The following FGD4 variants were observed in gnomAD, a reference collection of about 807,000 sequenced individuals.
The protein encoded by FGD4 is FYVE, RhoGEF and PH domain-containing protein 4.
In FGD4, 42 loss-of-function variants were observed where a neutral mutation model predicts 102.0. That is an observed-to-expected ratio of 0.41 (90% confidence interval 0.32 to 0.53). The LOEUF (loss-of-function observed/expected upper bound fraction) is 0.53. FGD4 is among the 20% of genes least tolerant of loss of function. The pLI, the probability that FGD4 is intolerant of heterozygous loss-of-function variation, is 0.21. For missense variants in FGD4, 902 were observed against 1,078.2 expected, an observed-to-expected ratio of 0.84 and a Z score of 2.29; for synonymous variants, 380 against 375.7, an observed-to-expected ratio of 1.01 and a Z score of -0.13.
At chr12:32,557,343 A>G (rs1239786798) in intron 1 of FGD4, among the ~76,000 whole-genome samples, 1 of 152,200 alleles carries the variant, frequency 6.6e-6, no homozygotes, top group Non-Finnish European at 1.5e-5. Context: ...CCAAAGTTAC[A>G]TTTGGTGTGC....
intron 4 of FGD4, among the ~76,000 whole-genome samples, chr12:32,596,347 G>A (rs1291103694): frequency 6.6e-6 from 1 of 152,200 alleles, no homozygotes; most frequent in East Asian, 1.9e-4. Context: ...CAGGCAGAGA[G>A]GATGGAAAGA....
At chr12:32,412,638 C>G (rs1234994136) in intron 1 of FGD4, among the ~76,000 whole-genome samples, 3 of 152,106 alleles carry the variant, frequency 2.0e-5, no homozygotes, top group Non-Finnish European at 4.4e-5. Flanking sequence ...GAGATGGAGT[C>G]TCGCGCCATC....
intron 1 of FGD4, among the ~76,000 whole-genome samples, chr12:32,485,566 G>A (rs994698421): frequency 8.8e-5 from 13 of 148,526 alleles, no homozygotes; most frequent in Non-Finnish European, 1.3e-4. Flanking sequence ...TCAGCCTCCC[G>A]AGCAGCTGGG....
At chr12:32,545,726 G>A (rs1397737751) in intron 1 of FGD4, among the ~76,000 whole-genome samples, 1 of 152,162 alleles carries the variant, frequency 6.6e-6, no homozygotes, top group Non-Finnish European at 1.5e-5. Flanking sequence ...TTACTTCCTG[G>A]TACTGTTACA....
intron 1 of FGD4, among the ~76,000 whole-genome samples, chr12:32,521,161 G>A (rs1940501311): frequency 6.6e-6 from 1 of 151,936 alleles, no homozygotes; most frequent in Non-Finnish European, 1.5e-5. Flanking sequence ...GTCCGAGGCG[G>A]GTGGATCACG....
intron 7 of FGD4, among the ~76,000 whole-genome samples, chr12:32,604,207 GGGTT>G (rs1397803481): frequency 2.0e-5 from 3 of 152,016 alleles, no homozygotes; most frequent in African/African-American, 7.3e-5. Flanking sequence ...GTCCTGGTTA[GGGTT>G]GGTTGAGCTT....
intron 1 of FGD4, among the ~76,000 whole-genome samples, chr12:32,479,410 G>T (rs1205499505): frequency 6.6e-6 from 1 of 151,986 alleles, no homozygotes; most frequent in African/African-American, 2.4e-5. Context: ...GCCCAGGCTG[G>T]TCACAAACTT....
At chr12:32,409,683 G>C (rs1005656364) in intron 1 of FGD4, among the ~76,000 whole-genome samples, 3 of 152,132 alleles carry the variant, frequency 2.0e-5, no homozygotes. Flanking sequence ...ACTGATGTCT[G>C]TGATGGGATC....
intron 1 of FGD4, among the ~76,000 whole-genome samples, chr12:32,529,179 A>G (rs921461559): frequency 2.6e-5 from 4 of 152,062 alleles, no homozygotes; most frequent in Non-Finnish European, 2.9e-5. Context: ...CAGTGGCGCA[A>G]TCTTGGCTCA....
At chr12:32,499,903 A>T (rs761209854) in intron 1 of FGD4, among the ~76,000 whole-genome samples, 33 of 152,238 alleles carry the variant, frequency 2.2e-4, no homozygotes, top group Non-Finnish European at 4.1e-4. Flanking sequence ...CTGTAGTCCC[A>T]ACTACTTGAG....
intron 1 of FGD4, among the ~76,000 whole-genome samples, chr12:32,453,200 T>TTATATATATATATATATATATATA (rs1209887127): frequency 6.2e-5 from 4 of 64,602 alleles, no homozygotes; most frequent in African/African-American, 1.5e-4. Flanking sequence ...TATATATATA[T>TTATATATATATATATATATATATA]TATATATATA....
chr12:32,399,566 C>A lies in FGD4; in HGVS notation c.-228C>A, dbSNP rs1940559822. ...GAGTGAGTGCGGGAGCTGCAGATAC[C>A]GAGACGCTGCGACTGCCGCAGGAGT... On this transcript the variant is annotated 5_prime_UTR_variant, in exon 1 of 17. Transcript: ENST00000534526. 9.0e-7 allele frequency: 1 copy of A among 1,107,152 alleles called. No individual in the cohort carries two copies. Among genetic ancestry groups the A allele is most frequent in the Non-Finnish European group, 1.2e-6 (1 of 816,654 alleles). The allele number at this position is 1,107,152 out of a possible 1,614,324, so 68.6% of individuals were successfully genotyped here. A position where few individuals can be genotyped will look rare whatever the true frequency, so the allele number is the denominator to read the frequency against.
At chr12:32,586,348 A>G (rs932719848) in intron 4 of FGD4, among the ~76,000 whole-genome samples, 1 of 152,234 alleles carries the variant, frequency 6.6e-6, no homozygotes, top group Non-Finnish European at 1.5e-5. Context: ...AACCACACCC[A>G]TAATTCTACC....
At chr12:32,451,521 G>A (rs984813661) in intron 1 of FGD4, among the ~76,000 whole-genome samples, 2 of 152,064 alleles carry the variant, frequency 1.3e-5, no homozygotes, top group South Asian at 2.1e-4. Flanking sequence ...TTATATCAAA[G>A]AGATCACCAT....
At chr12:32,428,478 T>C (rs1383731959) in intron 1 of FGD4, among the ~76,000 whole-genome samples, 1 of 152,180 alleles carries the variant, frequency 6.6e-6, no homozygotes, top group Non-Finnish European at 1.5e-5. Flanking sequence ...CCAACCTTTC[T>C]TTCTGTCTGC....
At position 32,399,877 on chromosome 12, in the gene FGD4, C is replaced by G; in HGVS notation, c.84C>G (p.Pro28=). 6.5e-7 allele frequency: 1 copy of G among 1,531,312 alleles called. No individual in the cohort carries two copies. Among genetic ancestry groups the G allele is most frequent in the East Asian group, 2.5e-5 (1 of 40,352 alleles). The allele number at this position is 1,531,312 out of a possible 1,614,324, so 94.9% of individuals were successfully genotyped here. Residue 28 remains proline, a synonymous_variant, in exon 1 of 17, where the codon CCC becomes CCG. Coordinates refer to ENST00000534526, the MANE Select transcript of FGD4 (RefSeq NM_001370298.3). ...SNPSYLPPGV[P]RPWSRPASHL... Reference sequence around the variant, plus strand: ...CCTCCTACCTGCCGCCCGGGGTGCCCCGGCCCTGGAGCAGGCCCGCGTCGC... The same window carrying G: ...CCTCCTACCTGCCGCCCGGGGTGCCGCGGCCCTGGAGCAGGCCCGCGTCGC...
chr12:32,572,095 C>T (rs903399369), intron 2 of FGD4, among the ~76,000 whole-genome samples: 8 of 151,918 alleles, frequency 5.3e-5, no homozygotes, highest in African/African-American at 1.9e-4. Flanking sequence ...TGTTTACACA[C>T]ACACATACAT....
Position 32,399,918 on chromosome 12 carries a change from G to A in FGD4, c.125G>A (p.Gly42Glu), listed in dbSNP as rs1397664330. 5.3e-6 allele frequency: 8 copies of A among 1,519,324 alleles called. No individual in the cohort carries two copies. Among genetic ancestry groups the A allele is most frequent in the South Asian group, 1.2e-5 (1 of 83,078 alleles). 94.1% of individuals were successfully genotyped at this position (1,519,324 alleles called of 1,614,324 possible). The change falls in exon 1 of 17, where the codon GGG becomes GAG. Residue 42 changes from glycine to glutamate, a missense_variant. Around this residue, in one of 2 missense-constraint regions of FGD4, gnomAD observed 443 missense variants for 459.2 expected, o/e 0.96. Coordinates refer to ENST00000534526, the MANE Select transcript of FGD4 (RefSeq NM_001370298.3). ...SRPASHLGRVGTAAFKGQVPS... is the reference protein window; with the variant it reads ...SRPASHLGRVETAAFKGQVPS... ...CCCGCGTCGCACCTGGGACGTGTAGGGACCGCTGCCTTCAAGGGCCAGGTG... is the reference window on the plus strand; with the variant it reads ...CCCGCGTCGCACCTGGGACGTGTAGAGACCGCTGCCTTCAAGGGCCAGGTG...
intron 1 of FGD4, among the ~76,000 whole-genome samples, chr12:32,537,873 T>C (rs753758108): frequency 2.6e-5 from 4 of 152,082 alleles, no homozygotes; most frequent in Non-Finnish European, 5.9e-5. Context: ...CAGCTTTACT[T>C]TCGTTATAGC....
Sources: allele counts gnomAD v4.1 joint callset (sites outside exome capture counted in the v4.1 genomes callset), GRCh38; gene constraint gnomAD v4.1.1; regional missense constraint gnomAD v4.1.1; transcripts MANE v1.5; gene names NCBI Gene and HGNC (gene_info 2026-07-23, HGNC 2026-07-21).